The following TNR variants were observed in gnomAD, a reference collection of about 807,000 sequenced individuals.
TNR encodes tenascin R.
Under a neutral mutation model 150.4 loss-of-function variants are expected in TNR, and 45 were observed. That is an observed-to-expected ratio of 0.30 (90% CI 0.24 to 0.38). The LOEUF is 0.38. Among genes scored for constraint, TNR ranks in the 10% least tolerant of loss-of-function variants. The pLI is 1.00. For missense variants in TNR, 1,544 were observed against 1,759.1 expected (o/e 0.88, Z 2.19); for synonymous variants, 687 against 678.4 (o/e 1.01, Z -0.20).
chr1:175,683,492 C>G (rs1329927961), intron 1 of TNR, among the ~76,000 whole-genome samples: 3 of 152,212 alleles, frequency 2.0e-5, no homozygotes, highest in African/African-American at 7.2e-5. Context: ...AACGTCTAAA[C>G]TGACCAAGGG....
intron 2 of TNR, among the ~76,000 whole-genome samples, chr1:175,507,486 C>T (rs949071403): frequency 3.3e-5 from 5 of 152,124 alleles, no homozygotes; most frequent in Non-Finnish European, 5.9e-5. Context: ...CAGAGTCTCC[C>T]TGAGTATCTG....
intron 2 of TNR, among the ~76,000 whole-genome samples, chr1:175,463,743 T>C (rs1163657546): frequency 1.3e-5 from 2 of 152,204 alleles, no homozygotes; most frequent in Non-Finnish European, 2.9e-5. Flanking sequence ...CTGGTTTAGA[T>C]TGATCAAGAT....
Position 175,386,024 on chromosome 1 carries a change from A to G in TNR, c.1777+8T>C. The G allele has an allele frequency of 6.4e-7, 1 of 1,559,068 alleles. No homozygotes were observed. The highest frequency in any genetic ancestry group is 8.7e-7 in the Non-Finnish European group (1 of 1,148,078). On this transcript the variant is annotated splice_region_variant and intron_variant, in intron 8 of 22. Coordinates refer to ENST00000367674, the MANE Select transcript of TNR (RefSeq NM_003285.3). ...TCCTTGTGCGTCTCTCCCCCACCGC[A>G]GCCTTACCTGTTGTGAACTGAGTGG...
chr1:175,348,013 A>G (rs1225901791), intron 18 of TNR, among the ~76,000 whole-genome samples: 1 of 152,170 alleles, frequency 6.6e-6, no homozygotes, highest in African/African-American at 2.4e-5. Context: ...AAAAAAATTA[A>G]CGGAAACAAT....
intron 18 of TNR, among the ~76,000 whole-genome samples, chr1:175,349,275 G>A (rs1042446492): frequency 1.3e-5 from 2 of 152,194 alleles, no homozygotes; most frequent in African/African-American, 4.8e-5. Flanking sequence ...TGATCCATAA[G>A]TGGACATGTA....
rs956810552 is a variant in TNR, at chr1:175,382,667, C to T, written c.1778-2930G>A. Among the ~76,000 whole-genome samples the T allele has an allele frequency of 2.0e-5, 3 of 152,114 alleles. 1 individual carries two copies. Among genetic ancestry groups the T allele is most frequent in the African/African-American group, 7.2e-5 (3 of 41,430 alleles). On this transcript the variant is annotated intron_variant, in intron 8 of 22. Coordinates refer to ENST00000367674, the MANE Select transcript of TNR (RefSeq NM_003285.3). ...CTGTAATCCCAGCACACAGGGAGGC[C>T]GAGGCGGGCAGATCATGAGGTCAGG...
intron 18 of TNR, among the ~76,000 whole-genome samples, chr1:175,346,179 A>T (rs1413239220): frequency 6.6e-6 from 1 of 152,250 alleles, no homozygotes; most frequent in Non-Finnish European, 1.5e-5. Flanking sequence ...AATTTAGAGA[A>T]CACAAATAAG....
Position 175,661,837 on chromosome 1 carries a change from C to A in TNR, c.-165+81389G>T, listed in dbSNP as rs184649478. On this transcript the variant is annotated intron_variant, in intron 1 of 22. Transcript: ENST00000367674. Reference sequence around the variant, plus strand: ...CTCTTCTTCCCTCCAAGAACTTCTTCCCAAACTGTGTCTCTTTGCCGCACC... The same window carrying A: ...CTCTTCTTCCCTCCAAGAACTTCTTACCAAACTGTGTCTCTTTGCCGCACC... 2.9e-3 allele frequency among the ~76,000 whole-genome samples: 365 copies of A among 124,266 alleles called. 1 individual carries two copies. Among genetic ancestry groups the A allele is most frequent in the Non-Finnish European group, 4.6e-3 (285 of 62,268 alleles). The allele number at this position is 124,266 out of a possible 152,430, so 81.5% of individuals were successfully genotyped here. A position where few individuals can be genotyped will look rare whatever the true frequency, so the allele number is the denominator to read the frequency against.
chr1:175,452,779 A>G (rs1251566304), intron 2 of TNR, among the ~76,000 whole-genome samples: 3 of 152,256 alleles, frequency 2.0e-5, no homozygotes, highest in Non-Finnish European at 4.4e-5. Context: ...ATGATTCACA[A>G]TAGCCAAAAG....
chr1:175,359,755 T>C, intron 14 of TNR, 24 bp from the exon 15 acceptor site: 1 of 1,590,414 alleles, frequency 6.3e-7, no homozygotes, highest in Middle Eastern at 1.7e-4. Context: ...GATTATCAGT[T>C]ACAGATAAGA....
chr1:175,448,551 C>T (rs1261640992), intron 2 of TNR, among the ~76,000 whole-genome samples: 4 of 152,200 alleles, frequency 2.6e-5, no homozygotes, highest in Admixed American at 2.6e-4. Flanking sequence ...TGGTCAGCAG[C>T]TCACTGTGCT....
chr1:175,583,340 T>A (rs1662438475), intron 1 of TNR, among the ~76,000 whole-genome samples: 1 of 152,130 alleles, frequency 6.6e-6, no homozygotes, highest in African/African-American at 2.4e-5. Context: ...AGAGCTGAAG[T>A]AGGAGCCCAG....
At chr1:175,708,882 CA>C (rs1666914208) in intron 1 of TNR, among the ~76,000 whole-genome samples, 1 of 152,188 alleles carries the variant, frequency 6.6e-6, no homozygotes, top group East Asian at 1.9e-4. Context: ...GTGATATCGT[CA>C]AGCACTATGA....
At chr1:175,556,767 A>T (rs887961276) in intron 1 of TNR, 1 of 152,462 alleles carries the variant, frequency 6.6e-6, no homozygotes, top group African/African-American at 2.4e-5. Context: ...TCCTCAGCAC[A>T]GTCCCCTTCC....
intron 1 of TNR, among the ~76,000 whole-genome samples, chr1:175,681,796 G>A (rs190228398): frequency 1.3e-5 from 2 of 152,298 alleles, no homozygotes; most frequent in African/African-American, 4.8e-5. Flanking sequence ...GGGGAGTGGG[G>A]TAGGGTAGAA....
intron 21 of TNR, among the ~76,000 whole-genome samples, chr1:175,325,904 A>G (rs1216500553): frequency 6.6e-6 from 1 of 152,144 alleles, no homozygotes; most frequent in Non-Finnish European, 1.5e-5. Flanking sequence ...GCATTAGGAG[A>G]TATACCTAAT....
At chr1:175,575,402 T>C (rs1662056988) in intron 1 of TNR, among the ~76,000 whole-genome samples, 1 of 152,190 alleles carries the variant, frequency 6.6e-6, no homozygotes, top group African/African-American at 2.4e-5. Flanking sequence ...GAGAATCCAC[T>C]ATGTGCAAGC....
intron 2 of TNR, among the ~76,000 whole-genome samples, chr1:175,509,619 G>T (rs1368145637): frequency 6.6e-6 from 1 of 152,152 alleles, no homozygotes; most frequent in African/African-American, 2.4e-5. Flanking sequence ...TTGAGAAAAA[G>T]CTGGCAGAGA....
intron 1 of TNR, among the ~76,000 whole-genome samples, chr1:175,687,532 TC>T (rs1393758125): frequency 6.6e-6 from 1 of 152,092 alleles, no homozygotes; most frequent in East Asian, 1.9e-4. Context: ...CCTTTCCTTT[TC>T]TTTCTCCCAG....
Sources: allele counts gnomAD v4.1 joint callset (sites outside exome capture counted in the v4.1 genomes callset), GRCh38; gene constraint gnomAD v4.1.1; transcripts MANE v1.5; gene names NCBI Gene and HGNC (gene_info 2026-07-23, HGNC 2026-07-21).